Variants in RILPL1 observed in about 807,000 individuals in gnomAD.
The protein encoded by RILPL1 is RILP-like protein 1.
A neutral mutation model predicts 50.3 loss-of-function variants in RILPL1; 33 were observed. That is an observed-to-expected ratio of 0.66 (90% CI 0.50 to 0.88). The LOEUF is 0.88. RILPL1 is among the 40% of genes least tolerant of loss of function. The pLI is 0.00. For synonymous variants in RILPL1, 205 were observed against 228.6 expected (o/e 0.90, Z 0.93); for missense variants, 418 against 542.5 (o/e 0.77, Z 2.28).
chr12:123,499,379 G>T, intron 3 of RILPL1, 39 bp downstream of exon 3: 1 of 1,445,568 alleles, frequency 6.9e-7, no homozygotes, highest in Non-Finnish European at 9.7e-7. Context: ...GCACCTACTG[G>T]CTGGGAGGGT....
chr12:123,499,804 T>G (rs1050684990), intron 2 of RILPL1, among the ~76,000 whole-genome samples: 1 of 152,116 alleles, frequency 6.6e-6, no homozygotes, highest in African/African-American at 2.4e-5. Flanking sequence ...GCGCGCTTCA[T>G]TTTTCAGGCC....
chr12:123,525,167 T>C (rs1261939626), intron 1 of RILPL1, among the ~76,000 whole-genome samples: 1 of 151,596 alleles, frequency 6.6e-6, no homozygotes, highest in Non-Finnish European at 1.5e-5. Context: ...ATAAAATTGA[T>C]GGTGATCATA....
At position 123,485,580 on chromosome 12, in the gene RILPL1, G is replaced by C; in HGVS notation, c.974+53C>G. ...AAGAAGGTAACTGTACAGAAACTCT[G>C]GCTAACCTCAGTAAGGAGCCAGCTC... is the stretch of plus-strand genomic sequence containing the variant. On this transcript the variant is annotated intron_variant, in intron 5 of 6. Coordinates refer to ENST00000376874, the MANE Select transcript of RILPL1 (RefSeq NM_178314.5). This position sits in a 1 kb window ranked among gnomAD's most constrained non-coding sequence, Gnocchi z 4.0. 6.5e-7 allele frequency: 1 copy of C among 1,545,242 alleles called. No individual in the cohort carries two copies. Among genetic ancestry groups the C allele is most frequent in the South Asian group, 1.2e-5 (1 of 86,474 alleles).
intron 4 of RILPL1, among the ~76,000 whole-genome samples, chr12:123,495,826 G>A (rs1305630757): frequency 4.0e-5 from 6 of 150,966 alleles, no homozygotes; most frequent in Admixed American, 2.6e-4. Context: ...GACTACAGGC[G>A]CACACCACCA....
At chr12:123,484,362 A>G (rs1240593499) in intron 5 of RILPL1, 90 bp from the exon 6 acceptor site, 1 of 891,410 alleles carries the variant, frequency 1.1e-6, no homozygotes, top group Admixed American at 1.9e-5. Context: ...ATGGTCTGAG[A>G]GGGTGCATGC....
At chr12:123,511,626 GGT>G (rs1201136445) in intron 2 of RILPL1, among the ~76,000 whole-genome samples, 1 of 140,182 alleles carries the variant, frequency 7.1e-6, no homozygotes, top group African/African-American at 2.7e-5. Flanking sequence ...GTCTGTGTGT[GGT>G]GTGTGAGGTC....
chr12:123,480,158 CTTTT>C (rs957649286), intron 6 of RILPL1, among the ~76,000 whole-genome samples: 1 of 116,994 alleles, frequency 8.5e-6, no homozygotes, highest in African/African-American at 3.1e-5. Flanking sequence ...AAGGCTGATT[CTTTT>C]TTTTTTTTTT....
intron 1 of RILPL1, among the ~76,000 whole-genome samples, 199 bp downstream of exon 1, chr12:123,532,975 T>G (rs754658945): frequency 2.6e-5 from 4 of 152,172 alleles, no homozygotes; most frequent in Non-Finnish European, 5.9e-5. Flanking sequence ...GAACAGCTCT[T>G]AATCTCTCGG....
At position 123,495,125 on chromosome 12, in the gene RILPL1, C is replaced by T. The variant is rs531106915; in HGVS notation, c.801+3419G>A. ...ATAGGCCAATGAGGATTTCCTGAGG[C>T]TTTTGCTGGGACTCTAGGGAAAGAG... is the stretch of plus-strand genomic sequence containing the variant. On this transcript the variant is annotated intron_variant, in intron 4 of 6. Coordinates refer to ENST00000376874, the MANE Select transcript of RILPL1 (RefSeq NM_178314.5). Among the ~76,000 whole-genome samples the T allele has an allele frequency of 2.7e-4, 41 of 152,204 alleles. 1 individual carries two copies. The South Asian group carries it at 7.9e-3, about 29-fold the overall frequency.
At chr12:123,511,124 AGGTC>A (rs1884133152) in intron 2 of RILPL1, among the ~76,000 whole-genome samples, 1 of 8,466 alleles carries the variant, frequency 1.2e-4, no homozygotes, top group African/African-American at 4.8e-4. Flanking sequence ...GTGGTGTGTG[AGGTC>A]TATGTGTGTG....
At chr12:123,504,888 CAA>C (rs1883635382) in intron 2 of RILPL1, among the ~76,000 whole-genome samples, 1 of 152,104 alleles carries the variant, frequency 6.6e-6, no homozygotes, top group African/African-American at 2.4e-5. Context: ...GCACGAGATG[CAA>C]AAGGCTCTCT....
chr12:123,532,511 T>G (rs1232751021), intron 1 of RILPL1, among the ~76,000 whole-genome samples: 1 of 152,106 alleles, frequency 6.6e-6, no homozygotes, highest in Non-Finnish European at 1.5e-5. Flanking sequence ...CTCGGTTTCT[T>G]TATCTGTAAA....
At chr12:123,529,890 A>C (rs1318065009) in intron 1 of RILPL1, among the ~76,000 whole-genome samples, 1 of 148,238 alleles carries the variant, frequency 6.7e-6, no homozygotes. Context: ...AAAAAAAAGG[A>C]GAAAAAAAAT....
chr12:123,475,468 G>C, intron 6 of RILPL1: 1 of 580,764 alleles, frequency 1.7e-6, no homozygotes. Context: ...AGAATTCTGA[G>C]GCTTCGCTCG....
chr12:123,490,599 T>C (rs553126437), intron 4 of RILPL1, among the ~76,000 whole-genome samples: 15 of 152,212 alleles, frequency 9.9e-5, no homozygotes, highest in African/African-American at 3.4e-4. Context: ...TCTTTTTTTT[T>C]TAATTTTATT....
intron 1 of RILPL1, among the ~76,000 whole-genome samples, chr12:123,531,097 G>C (rs1457786622): frequency 6.8e-6 from 1 of 147,024 alleles, no homozygotes; most frequent in African/African-American, 2.6e-5. Flanking sequence ...ACCTTGAAGA[G>C]CCTTTGAGAC....
At chr12:123,478,165 TA>T (rs200274543) in intron 6 of RILPL1, among the ~76,000 whole-genome samples, 24 of 151,662 alleles carry the variant, frequency 1.6e-4, no homozygotes, top group African/African-American at 5.3e-4. Context: ...CCCGGCCAAT[TA>T]AAAAAAATTT....
At chr12:123,487,379 T>G (rs542734613) in intron 4 of RILPL1, among the ~76,000 whole-genome samples, 281 of 152,214 alleles carry the variant, frequency 1.8e-3, no homozygotes, top group Non-Finnish European at 3.3e-3. Flanking sequence ...CTCAGCTCAC[T>G]TCAACCTCTG....
intron 5 of RILPL1, chr12:123,484,911 G>A (rs767555569): frequency 2.3e-5 from 6 of 266,110 alleles, no homozygotes; most frequent in South Asian, 1.6e-4. Context: ...CGCCTGCCTC[G>A]GCCTCGCAAA....
Sources: allele counts gnomAD v4.1 joint callset (sites outside exome capture counted in the v4.1 genomes callset), GRCh38; gene constraint gnomAD v4.1.1; non-coding constraint Gnocchi (gnomAD v3.1); transcripts MANE v1.5; gene names NCBI Gene and HGNC (gene_info 2026-07-23, HGNC 2026-07-21).